Variants in RAPGEF1 observed in about 807,000 individuals in gnomAD.
RAPGEF1 encodes CRK SH3-binding GNRP.
RAPGEF1 carries 33 observed loss-of-function variants against 143.3 expected under a neutral mutation model. That is an observed-to-expected ratio of 0.23 (90% CI 0.17 to 0.31). The LOEUF is 0.31. RAPGEF1 is among the 10% of genes least tolerant of loss of function. The pLI is 1.00. For synonymous variants in RAPGEF1, 629 were observed against 676.5 expected, an observed-to-expected ratio of 0.93 and a Z score of 1.09; for missense variants, 1,199 against 1,645.4, an observed-to-expected ratio of 0.73 and a Z score of 4.69.
Position 131,579,201 on chromosome 9 carries a change from G to A in RAPGEF1, c.*296C>T, listed in dbSNP as rs907978114. ...GGGAGTGGGTGGAAGGTCAAGAGGG[G>A]AGAGATGGAAGTAAAAGCAGAAAAC... On this transcript the variant is annotated 3_prime_UTR_variant, in exon 27 of 27. Transcript: ENST00000683357. 1.2e-4 allele frequency: 43 copies of A among 356,320 alleles called. 1 individual carries two copies. In the East Asian group the frequency reaches 2.5e-3, roughly 21 times the overall value. 22.1% of individuals were successfully genotyped at this position (356,320 alleles called of 1,614,324 possible). A position where few individuals can be genotyped will look rare whatever the true frequency, so the allele number is the denominator to read the frequency against.
At chr9:131,695,881 G>A (rs1203239442) in intron 1 of RAPGEF1, among the ~76,000 whole-genome samples, 3 of 152,222 alleles carry the variant, frequency 2.0e-5, no homozygotes, top group African/African-American at 7.2e-5. Context: ...CTGCAGGCAA[G>A]CAGGCATTCT....
intron 17 of RAPGEF1, among the ~76,000 whole-genome samples, chr9:131,592,672 C>T (rs750216085): frequency 2.0e-5 from 3 of 152,160 alleles, no homozygotes; most frequent in Admixed American, 2.0e-4. Flanking sequence ...ATCATGGGAA[C>T]AAAGAAAATC....
rs1221072346 is a variant in RAPGEF1, at chr9:131,655,226, A to G, written c.62-4277T>C. On this transcript the variant is annotated intron_variant, in intron 1 of 26. Coordinates refer to ENST00000683357, the MANE Select transcript of RAPGEF1 (RefSeq NM_001377935.1). The surrounding 1 kb of genome is among the most constrained non-coding windows in gnomAD (Gnocchi z 4.1). ...CACTGCGCTCTGGACCAAAGAGAAA[A>G]GCCAGGGCCTGACCCGCATTCACAT... Among the ~76,000 whole-genome samples the G allele has an allele frequency of 6.6e-6, 1 of 152,218 alleles. No individual in the cohort carries two copies. The highest frequency in any genetic ancestry group is 1.5e-5 in the Non-Finnish European group (1 of 68,038).
chr9:131,694,781 A>C (rs1022998173), intron 1 of RAPGEF1, among the ~76,000 whole-genome samples: 3 of 146,470 alleles, frequency 2.0e-5, no homozygotes, highest in Non-Finnish European at 4.5e-5. Flanking sequence ...TACAGCACTC[A>C]TCACCTTCAC....
chr9:131,665,752 G>A (rs1049284686), intron 1 of RAPGEF1, among the ~76,000 whole-genome samples: 21 of 152,156 alleles, frequency 1.4e-4, no homozygotes, highest in African/African-American at 5.1e-4. Context: ...ATGAGTGGTT[G>A]GGTAATGTTG....
chr9:131,608,185 C>T (rs1176849740), intron 12 of RAPGEF1, among the ~76,000 whole-genome samples: 1 of 152,198 alleles, frequency 6.6e-6, no homozygotes, highest in Non-Finnish European at 1.5e-5. Flanking sequence ...TTCCGCGAGA[C>T]GCAGAGCGCT....
chr9:131,580,532 G>C lies in RAPGEF1; in HGVS notation c.3513-141C>G, dbSNP rs1951705618. 11 of 1,064,310 alleles carry C rather than the reference G, an allele frequency of 1.0e-5. No individual in the cohort carries two copies. The South Asian group carries it at 1.8e-4, about 17-fold the overall frequency. 65.9% of individuals were successfully genotyped at this position (1,064,310 alleles called of 1,614,324 possible). On this transcript the variant is annotated intron_variant, in intron 25 of 26. Coordinates refer to ENST00000683357, the MANE Select transcript of RAPGEF1 (RefSeq NM_001377935.1). The stretch of plus-strand genomic sequence containing the variant: ...ACCAAAGAGCCAGTCTGAGGTGTCT[G>C]TTTCCCAGAACAAACTCCCGCCTCA...
At chr9:131,735,243 T>C (rs539515939) in intron 1 of RAPGEF1, among the ~76,000 whole-genome samples, 1 of 152,278 alleles carries the variant, frequency 6.6e-6, no homozygotes, top group African/African-American at 2.4e-5. Context: ...AACTGACACA[T>C]GCAGTCCAAG....
chr9:131,628,462 A>C lies in RAPGEF1; in HGVS notation c.1017+87T>G. ...TGACAAACACCAGCGCCTGAAGACC[A>C]TGGGTTTCTTTCAGCTTCAGGAGCC... On this transcript the variant is annotated intron_variant, in intron 8 of 26. Transcript: ENST00000683357. The surrounding 1 kb of genome is among the most constrained non-coding windows in gnomAD (Gnocchi z 5.7). 8.5e-6 allele frequency: 13 copies of C among 1,534,078 alleles called. No individual in the cohort carries two copies. Among genetic ancestry groups the C allele is most frequent in the Non-Finnish European group, 1.2e-5 (13 of 1,129,474 alleles).
chr9:131,729,949 C>G (rs557748624), intron 1 of RAPGEF1, among the ~76,000 whole-genome samples: 1 of 152,116 alleles, frequency 6.6e-6, no homozygotes, highest in African/African-American at 2.4e-5. Context: ...AATCCCAGCA[C>G]TTTGGGAGGC....
At chr9:131,638,097 C>T (rs1411857525) in intron 5 of RAPGEF1, among the ~76,000 whole-genome samples, 2 of 152,238 alleles carry the variant, frequency 1.3e-5, no homozygotes, top group Non-Finnish European at 2.9e-5. Flanking sequence ...CAATTCCAGA[C>T]CTTCTATGGC....
chr9:131,723,698 TC>T (rs1163853267), intron 1 of RAPGEF1, among the ~76,000 whole-genome samples: 3 of 152,232 alleles, frequency 2.0e-5, no homozygotes, highest in Non-Finnish European at 4.4e-5. Flanking sequence ...CTGGGTCACT[TC>T]CATCTTTTGG....
chr9:131,646,350 A>G (rs1969617107), intron 3 of RAPGEF1, among the ~76,000 whole-genome samples: 1 of 152,238 alleles, frequency 6.6e-6, no homozygotes, highest in African/African-American at 2.4e-5. Context: ...CAGATCAGAA[A>G]TGTGCTGAAG....
intron 1 of RAPGEF1, chr9:131,709,646 C>T (rs375172724): frequency 1.2e-4 from 192 of 1,613,952 alleles, no homozygotes; most frequent in South Asian, 2.7e-4. Context: ...CAGATGACTT[C>T]GTTTCAAGGG....
At chr9:131,596,249 C>T in intron 17 of RAPGEF1, 49 bp downstream of exon 17, 1 of 1,577,800 alleles carries the variant, frequency 6.3e-7, no homozygotes. Context: ...GGCCGAGTGG[C>T]ACCCGGGGCA....
intron 14 of RAPGEF1, among the ~76,000 whole-genome samples, chr9:131,602,525 C>A (rs563327882): frequency 6.6e-6 from 1 of 152,304 alleles, no homozygotes; most frequent in African/African-American, 2.4e-5. Flanking sequence ...ACCATCGTCC[C>A]CACTCCATGC....
intron 19 of RAPGEF1, 120 bp from the exon 20 acceptor site, chr9:131,589,106 T>C: frequency 2.1e-6 from 2 of 966,926 alleles, no homozygotes; most frequent in Non-Finnish European, 3.0e-6. Context: ...GGCTGGGAAA[T>C]TTCTCATGGG....
intron 1 of RAPGEF1, among the ~76,000 whole-genome samples, chr9:131,726,734 C>T (rs185988716): frequency 3.0e-4 from 45 of 152,208 alleles, no homozygotes; most frequent in East Asian, 1.9e-4. Flanking sequence ...TGGAATTGGC[C>T]TGTATTCTGA....
chr9:131,580,180 C>G, intron 26 of RAPGEF1, 83 bp downstream of exon 26: 1 of 1,550,872 alleles, frequency 6.4e-7, no homozygotes, highest in Non-Finnish European at 8.8e-7. Flanking sequence ...GGCTCCCCCT[C>G]CCCTCGGTGT....
Sources: gnomAD v4.1 joint callset for allele counts (sites outside exome capture counted in the v4.1 genomes callset) on GRCh38, gnomAD v4.1.1 for gene constraint, Gnocchi (gnomAD v3.1) non-coding constraint, MANE v1.5 for transcripts, NCBI Gene and HGNC (gene_info 2026-07-23, HGNC 2026-07-21) for gene names.